Variants in ATRNL1 observed in about 807,000 individuals in gnomAD.
The protein encoded by ATRNL1 is attractin like 1, also known as attractin-like protein 1.
In ATRNL1, 95 loss-of-function variants were observed where a neutral mutation model predicts 182.7. The ratio of observed to expected loss-of-function variants is 0.52; its 90% CI spans 0.44 to 0.62. The LOEUF (loss-of-function observed/expected upper bound fraction) is 0.62, where lower values mean the gene tolerates loss of function less well. Ranked by LOEUF, ATRNL1 falls within the 20% of genes least tolerant of loss-of-function variation. ATRNL1 has a pLI of 0.00. For missense variants in ATRNL1, 1,471 were observed against 1,679.5 expected, an observed-to-expected ratio of 0.88 and a Z score of 2.17; for synonymous variants, 576 against 568.3, an observed-to-expected ratio of 1.01 and a Z score of -0.19.
chr10:115,351,759 G>GTTTTGTTTTGTTTTGTT (rs1396095081), intron 19 of ATRNL1, among the ~76,000 whole-genome samples: 2 of 151,826 alleles, frequency 1.3e-5, no homozygotes, highest in Non-Finnish European at 2.9e-5. Context: ...GTTTTGTTTT[G>GTTTTGTTTTGTTTTGTT]TTTTGTTTTG....
intron 27 of ATRNL1, among the ~76,000 whole-genome samples, chr10:115,738,125 GATTTTTTTTTTTTTTTTT>G (rs1948017270): frequency 1.9e-5 from 1 of 53,150 alleles, no homozygotes; most frequent in South Asian, 7.0e-4. Flanking sequence ...AGAAGATAAT[GATTTTTTTTTTTTTTTTT>G]TTTTTTTTTT....
intron 19 of ATRNL1, among the ~76,000 whole-genome samples, chr10:115,363,042 G>A (rs1245022955): frequency 6.6e-6 from 1 of 151,458 alleles, no homozygotes; most frequent in African/African-American, 2.4e-5. Flanking sequence ...ACCCAGTAAT[G>A]GGATGGCTGG....
chr10:115,593,759 G>A (rs782015660), intron 26 of ATRNL1, among the ~76,000 whole-genome samples: 5 of 152,090 alleles, frequency 3.3e-5, no homozygotes, highest in Non-Finnish European at 7.4e-5. Flanking sequence ...CAAAATTGGT[G>A]TAGACACTTC....
chr10:115,127,735 A>G lies in ATRNL1; in HGVS notation c.620+14A>G. ...CATTTTCTATTCGTAAGTATTTTTT[A>G]AAAATTCCTTCTTTTAATGATTCTT... On this transcript the variant is annotated intron_variant, in intron 4 of 28. Transcript: ENST00000355044. The G allele has an allele frequency of 7.2e-7, 1 of 1,383,828 alleles. No homozygotes were observed. The highest frequency in any genetic ancestry group is 9.5e-7 in the Non-Finnish European group (1 of 1,054,580). The allele number at this position is 1,383,828 out of a possible 1,614,324, so 85.7% of individuals were successfully genotyped here.
intron 19 of ATRNL1, among the ~76,000 whole-genome samples, chr10:115,338,057 C>T (rs1054046990): frequency 4.6e-5 from 7 of 151,802 alleles, no homozygotes; most frequent in Non-Finnish European, 7.3e-5. Flanking sequence ...CTTTTTCACC[C>T]GCTGATCACC....
intron 27 of ATRNL1, among the ~76,000 whole-genome samples, chr10:115,782,195 A>C (rs1949282088): frequency 6.6e-6 from 1 of 152,174 alleles, no homozygotes; most frequent in Admixed American, 6.5e-5. Flanking sequence ...TGAACCAGTA[A>C]ACATTCTTCA....
At chr10:115,907,350 A>T (rs1184729148) in intron 28 of ATRNL1, among the ~76,000 whole-genome samples, 1 of 152,224 alleles carries the variant, frequency 6.6e-6, no homozygotes, top group Non-Finnish European at 1.5e-5. Flanking sequence ...GTATGTGCTC[A>T]TTCATACAGT....
At chr10:115,135,760 A>G (rs1389562228) in intron 5 of ATRNL1, among the ~76,000 whole-genome samples, 1 of 152,228 alleles carries the variant, frequency 6.6e-6, no homozygotes, top group Non-Finnish European at 1.5e-5. Context: ...AGCTGGAGGC[A>G]TCACGCTCCC....
chr10:115,107,080 C>T (rs1844044797), intron 1 of ATRNL1, among the ~76,000 whole-genome samples: 1 of 152,090 alleles, frequency 6.6e-6, no homozygotes, highest in Admixed American at 6.6e-5. Context: ...GCGTTAATGC[C>T]CTCATGGTTT....
intron 24 of ATRNL1, among the ~76,000 whole-genome samples, chr10:115,509,200 A>G (rs1228087481): frequency 1.3e-5 from 2 of 151,922 alleles, no homozygotes; most frequent in Non-Finnish European, 1.5e-5. Context: ...TACTGCTTAG[A>G]AAAAAAAGAC....
intron 24 of ATRNL1, among the ~76,000 whole-genome samples, chr10:115,491,002 C>G (rs900184332): frequency 6.6e-6 from 1 of 152,174 alleles, no homozygotes; most frequent in Admixed American, 6.5e-5. Flanking sequence ...TGCTGCAGGT[C>G]TCCTGGAATT....
intron 5 of ATRNL1, among the ~76,000 whole-genome samples, chr10:115,151,763 G>C (rs544215645): frequency 6.6e-6 from 1 of 152,226 alleles, no homozygotes; most frequent in African/African-American, 2.4e-5. Flanking sequence ...ATTGCTTTTG[G>C]TGTTTTAGAC....
chr10:115,464,739 A>G (rs961805859), intron 22 of ATRNL1, among the ~76,000 whole-genome samples: 1 of 151,862 alleles, frequency 6.6e-6, no homozygotes, highest in East Asian at 1.9e-4. Flanking sequence ...TTAAGAGACA[A>G]TTTCAAAAGA....
At chr10:115,813,866 T>C (rs1399410075) in intron 27 of ATRNL1, among the ~76,000 whole-genome samples, 1 of 152,134 alleles carries the variant, frequency 6.6e-6, no homozygotes, top group African/African-American at 2.4e-5. Context: ...ATTTCTCCTT[T>C]AATTAAGTTT....
At chr10:115,849,130 C>T (rs1175366550) in intron 28 of ATRNL1, among the ~76,000 whole-genome samples, 3 of 152,156 alleles carry the variant, frequency 2.0e-5, no homozygotes, top group Admixed American at 6.5e-5. Context: ...ATTCATCATT[C>T]ATGGTACCTG....
intron 27 of ATRNL1, among the ~76,000 whole-genome samples, chr10:115,765,269 T>A (rs1948829643): frequency 6.6e-6 from 1 of 152,170 alleles, no homozygotes; most frequent in African/African-American, 2.4e-5. Flanking sequence ...GACTTTACCA[T>A]TTTGCATTCC....
At chr10:115,146,374 T>C (rs1845970967) in intron 5 of ATRNL1, among the ~76,000 whole-genome samples, 1 of 152,104 alleles carries the variant, frequency 6.6e-6, no homozygotes. Context: ...ATTTATGGGG[T>C]ATATGTGAGT....
At chr10:115,267,076 C>T (rs1851639222) in intron 12 of ATRNL1, 71 bp downstream of exon 12, 1 of 1,069,324 alleles carries the variant, frequency 9.4e-7, no homozygotes, top group African/African-American at 1.6e-5. Flanking sequence ...ATATCTTCTG[C>T]TTATAAGAAT....
At chr10:115,459,993 C>T (rs1225850839) in intron 21 of ATRNL1, among the ~76,000 whole-genome samples, 1 of 152,170 alleles carries the variant, frequency 6.6e-6, no homozygotes, top group Non-Finnish European at 1.5e-5. Context: ...CTGCATTTGT[C>T]CAAGGTGATC....
Sources: allele counts gnomAD v4.1 joint callset (sites outside exome capture counted in the v4.1 genomes callset), GRCh38; gene constraint gnomAD v4.1.1; transcripts MANE v1.5; gene names NCBI Gene and HGNC (gene_info 2026-07-23, HGNC 2026-07-21).